Variants in HIVEP2 observed in about 807,000 individuals in gnomAD.
The protein encoded by HIVEP2 is HIVEP zinc finger 2.
Under a neutral mutation model 180.7 loss-of-function variants are expected in HIVEP2, and 14 were observed. The observed-to-expected ratio is 0.08, with a 90% CI of 0.05 to 0.12. The LOEUF (loss-of-function observed/expected upper bound fraction) is 0.12. Ranked by LOEUF, HIVEP2 falls within the 10% of genes least tolerant of loss-of-function variation. The probability of loss-of-function intolerance (pLI) is 1.00; values close to 1 mark genes in which losing one functional copy is unlikely to be tolerated. For missense variants in HIVEP2, 2,579 were observed against 3,008.5 expected (o/e 0.86, Z 3.34); for synonymous variants, 1,184 against 1,136.4 (o/e 1.04, Z -0.84).
chr6:142,870,492 T>A (rs991545792), intron 1 of HIVEP2, among the ~76,000 whole-genome samples: 1 of 152,150 alleles, frequency 6.6e-6, no homozygotes, highest in Non-Finnish European at 1.5e-5. Context: ...CCCATGAGCA[T>A]CCTCCTGCCC....
At chr6:142,866,195 C>G (rs1242427142) in intron 1 of HIVEP2, among the ~76,000 whole-genome samples, 1 of 152,148 alleles carries the variant, frequency 6.6e-6, no homozygotes, top group Non-Finnish European at 1.5e-5. Flanking sequence ...CCTCTAGAAC[C>G]TTGGGCAAGT....
intron 1 of HIVEP2, among the ~76,000 whole-genome samples, chr6:142,911,734 T>G (rs2128430078): frequency 6.6e-6 from 1 of 152,314 alleles, no homozygotes; most frequent in Middle Eastern, 3.4e-3. Flanking sequence ...TTTCTCCCTC[T>G]GTCCAGTTCA....
intron 2 of HIVEP2, among the ~76,000 whole-genome samples, chr6:142,835,475 T>C (rs198646): frequency 0.86 from 130,709 of 152,266 alleles, 56,773 homozygotes; most frequent in African/African-American, 0.95. Flanking sequence ...ATGTTGCAAA[T>C]AAAGACATTT....
chr6:142,927,518 G>A (rs1777847066), intron 1 of HIVEP2, among the ~76,000 whole-genome samples: 1 of 152,126 alleles, frequency 6.6e-6, no homozygotes, highest in South Asian at 2.1e-4. Context: ...AAGGCCCCCT[G>A]AGACGTTTCT....
chr6:142,889,078 TATG>T (rs1253240671), intron 1 of HIVEP2, among the ~76,000 whole-genome samples: 1 of 152,228 alleles, frequency 6.6e-6, no homozygotes, highest in East Asian at 1.9e-4. Context: ...GGTCAGAGAC[TATG>T]TTATACTTAT....
chr6:142,772,369 C>T lies in HIVEP2; in HGVS notation c.2370G>A (p.Gly790=), dbSNP rs1267427995. The T allele has an allele frequency of 2.5e-6, 4 of 1,614,072 alleles. No homozygotes were observed. Among genetic ancestry groups the T allele is most frequent in the South Asian group, 2.2e-5 (2 of 91,082 alleles). The change falls in exon 5 of 10, where the codon GGG becomes GGA. Residue 790 remains glycine (G), a synonymous_variant. Transcript: ENST00000367603. This position sits in a 1 kb window ranked among gnomAD's most constrained non-coding sequence, Gnocchi z 4.9. The part of the protein sequence containing the change: ...AIDSDKMSDL[G]GRKPPGNVIS... ...TCACATTTCCAGGAGGTTTCCTGCC[C>T]CCTAGGTCTGACATCTTGTCTGAAT...
intron 2 of HIVEP2, among the ~76,000 whole-genome samples, chr6:142,800,561 T>A (rs951255893): frequency 6.6e-6 from 1 of 152,184 alleles, no homozygotes; most frequent in Non-Finnish European, 1.5e-5. Flanking sequence ...GAGTGATAAG[T>A]ATCTTTTTGA....
intron 1 of HIVEP2, among the ~76,000 whole-genome samples, chr6:142,906,726 A>G (rs749301038): frequency 1.3e-5 from 2 of 152,190 alleles, no homozygotes; most frequent in Non-Finnish European, 2.9e-5. Context: ...ATGCAAAATG[A>G]AAGTGTTTAT....
chr6:142,753,951 G>A lies in HIVEP2; in HGVS notation c.6517-20C>T. On this transcript the variant is annotated intron_variant, in intron 9 of 9. Transcript: ENST00000367603. Reference sequence around the variant, plus strand: ...TAAATTCTGCGCAGAGAAACAAAGAGAGCACAAAATTCAGAGCCTGCTACG... The same window carrying A: ...TAAATTCTGCGCAGAGAAACAAAGAAAGCACAAAATTCAGAGCCTGCTACG... 1 of 1,381,262 alleles carries A rather than the reference G, an allele frequency of 7.2e-7. No individual in the cohort carries two copies. Among genetic ancestry groups the A allele is most frequent in the Non-Finnish European group, 1.0e-6 (1 of 996,948 alleles). 85.6% of individuals were successfully genotyped at this position (1,381,262 alleles called of 1,614,324 possible).
chr6:142,784,808 G>T (rs952348930), intron 2 of HIVEP2, among the ~76,000 whole-genome samples: 1 of 152,152 alleles, frequency 6.6e-6, no homozygotes. Context: ...TAAAGAGCAT[G>T]ATTCATTAAC....
intron 2 of HIVEP2, among the ~76,000 whole-genome samples, chr6:142,796,007 T>A (rs1776269696): frequency 6.6e-6 from 1 of 152,154 alleles, no homozygotes; most frequent in Non-Finnish European, 1.5e-5. Context: ...CACCACTCTA[T>A]GGGGGAGCCC....
chr6:142,813,578 T>G lies in HIVEP2; in HGVS notation c.-528+23357A>C, dbSNP rs531037922. ...TGCTCCATCATCAGTTCAGAGTTTT[T>G]TTTTTTTTTTTTTTGAGACATGATC... is the stretch of plus-strand genomic sequence containing the variant. On this transcript the variant is annotated intron_variant, in intron 2 of 9. Transcript: ENST00000367603. 7.9e-5 allele frequency among the ~76,000 whole-genome samples: 12 copies of G among 150,974 alleles called. No individual in the cohort carries two copies. The South Asian group carries it at 1.5e-3, about 19-fold the overall frequency.
Position 142,772,722 on chromosome 6 carries a change from A to G in HIVEP2, c.2017T>C (p.Tyr673His), listed in dbSNP as rs1441546183. Residue 673 changes from tyrosine to histidine, a missense_variant, in exon 5 of 10, where the codon TAT becomes CAT. Transcript: ENST00000367603. This position sits in a 1 kb window ranked among gnomAD's most constrained non-coding sequence, Gnocchi z 4.9. Reference sequence around the variant, plus strand: ...AATGGCACCACGGGATCCATGAAATATTCTCCACCATGCTTTAAAGAACTC... The same window carrying G: ...AATGGCACCACGGGATCCATGAAATGTTCTCCACCATGCTTTAAAGAACTC... ...CLSSLKHGGE[Y>H]FMDPVVPLQG... The G allele has an allele frequency of 1.2e-6, 2 of 1,614,074 alleles. No individual in the cohort carries two copies. The highest frequency in any genetic ancestry group is 1.7e-6 in the Non-Finnish European group (2 of 1,180,056).
intron 9 of HIVEP2, among the ~76,000 whole-genome samples, chr6:142,759,018 G>C (rs989827225): frequency 6.6e-6 from 1 of 152,080 alleles, no homozygotes; most frequent in Non-Finnish European, 1.5e-5. Flanking sequence ...AGGAGTTTTT[G>C]AGGCCAGGCG....
chr6:142,868,059 C>T lies in HIVEP2; in HGVS notation c.-640-31012G>A, dbSNP rs539170147. Among the ~76,000 whole-genome samples the T allele has an allele frequency of 3.9e-5, 6 of 152,226 alleles. No homozygotes were observed. In the South Asian group the frequency reaches 1.2e-3, roughly 32 times the overall value. On this transcript the variant is annotated intron_variant, in intron 1 of 9. Transcript: ENST00000367603. The stretch of plus-strand genomic sequence containing the variant: ...GAAAATTATGCATATAATCTTAAAA[C>T]TAGAAAGATCACATTGCAAGTCAGC...
intron 1 of HIVEP2, among the ~76,000 whole-genome samples, chr6:142,915,167 C>T (rs1007558999): frequency 3.3e-5 from 5 of 152,162 alleles, no homozygotes; most frequent in African/African-American, 1.2e-4. Context: ...CTGCTTGAAT[C>T]CTCTTGTTAT....
intron 1 of HIVEP2, among the ~76,000 whole-genome samples, chr6:142,942,900 G>T (rs143500655): frequency 2.0e-5 from 3 of 152,104 alleles, no homozygotes; most frequent in Non-Finnish European, 4.4e-5. Context: ...ACCTATGCTC[G>T]ACGCAAGAAA....
Position 142,752,865 on chromosome 6 carries a change from C to T in HIVEP2, c.*242G>A. On this transcript the variant is annotated 3_prime_UTR_variant, in exon 10 of 10. Transcript: ENST00000367603. ...GAATATAAGCAAAGTAAAGAAAAGG[C>T]ACAAACATCTGTACAATTTTAAAAG... 2.4e-6 allele frequency: 1 copy of T among 423,658 alleles called. No homozygotes were observed. Among genetic ancestry groups the T allele is most frequent in the Non-Finnish European group, 4.2e-6 (1 of 238,216 alleles). 26.2% of individuals were successfully genotyped at this position (423,658 alleles called of 1,614,324 possible).
chr6:142,880,559 C>T (rs1160708492), intron 1 of HIVEP2, among the ~76,000 whole-genome samples: 1 of 152,142 alleles, frequency 6.6e-6, no homozygotes, highest in Non-Finnish European at 1.5e-5. Flanking sequence ...GAGCTTTATA[C>T]CTTTAAAGGC....
Sources: allele counts gnomAD v4.1 joint callset (sites outside exome capture counted in the v4.1 genomes callset), GRCh38; gene constraint gnomAD v4.1.1; non-coding constraint Gnocchi (gnomAD v3.1); transcripts MANE v1.5; gene names NCBI Gene and HGNC (gene_info 2026-07-23, HGNC 2026-07-21).